SYNJ2BP: variants seen among roughly 807,000 people sequenced by gnomAD.
The protein encoded by SYNJ2BP is synaptojanin 2 binding protein.
SYNJ2BP carries 10 observed loss-of-function variants against 16.9 expected under a neutral mutation model. The ratio of observed to expected loss-of-function variants is 0.59; its 90% CI spans 0.36 to 1.00. The LOEUF (loss-of-function observed/expected upper bound fraction) is 1.00. SYNJ2BP is among the 50% of genes least tolerant of loss of function. SYNJ2BP has a pLI of 0.01. For synonymous variants in SYNJ2BP, 54 were observed against 68.4 expected (o/e 0.79, Z 1.04); for missense variants, 162 against 186.7 (o/e 0.87, Z 0.77).
intron 1 of SYNJ2BP, among the ~76,000 whole-genome samples, chr14:70,403,899 A>T (rs1236788024): frequency 6.6e-6 from 1 of 152,234 alleles, no homozygotes; most frequent in Admixed American, 6.5e-5. Flanking sequence ...TAAGCACTTA[A>T]ATCAAGTATT....
rs564486466 is a variant in SYNJ2BP, at chr14:70,375,080, G to C, written c.297+596C>G. On this transcript the variant is annotated intron_variant, in intron 3 of 3. Transcript: ENST00000256366. ...GTACAGATGTGAGTCACCACACCTG[G>C]CTTTTCTTTAATCATCTGTTTTAAT... 3.3e-5 allele frequency among the ~76,000 whole-genome samples: 5 copies of C among 151,190 alleles called. No homozygotes were observed. In the South Asian group the frequency reaches 8.4e-4, roughly 25 times the overall value.
At chr14:70,394,653 A>G (rs1888052707) in intron 1 of SYNJ2BP, among the ~76,000 whole-genome samples, 1 of 152,128 alleles carries the variant, frequency 6.6e-6, no homozygotes, top group South Asian at 2.1e-4. Flanking sequence ...TGTGCCTAAT[A>G]GAAGAACCTT....
At chr14:70,376,748 G>T (rs1331021066) in intron 2 of SYNJ2BP, among the ~76,000 whole-genome samples, 1 of 152,194 alleles carries the variant, frequency 6.6e-6, no homozygotes, top group Non-Finnish European at 1.5e-5. Flanking sequence ...TTGTGCTGGA[G>T]CTAGGGCTAG....
chr14:70,372,148 T>C lies in SYNJ2BP; in HGVS notation c.*843A>G, dbSNP rs779439189. 1.3e-5 allele frequency: 2 copies of C among 151,238 alleles called. No homozygotes were observed. The highest frequency in any genetic ancestry group is 2.4e-5 in the African/African-American group (1 of 41,156). The allele number at this position is 151,238 out of a possible 1,614,324, so 9.4% of individuals were successfully genotyped here. On this transcript the variant is annotated 3_prime_UTR_variant, in exon 4 of 4. Coordinates refer to ENST00000256366, the MANE Select transcript of SYNJ2BP (RefSeq NM_018373.3). ...CTTCAGTTATTACATTTTTTTCTAT[T>C]TTTTTTTTAAATAGAGATGAGGTTT...
chr14:70,407,012 T>G (rs750292900), intron 1 of SYNJ2BP, among the ~76,000 whole-genome samples: 2 of 152,216 alleles, frequency 1.3e-5, no homozygotes, highest in African/African-American at 2.4e-5. Context: ...ATGTGAATCA[T>G]GCCTCAAAAA....
intron 1 of SYNJ2BP, among the ~76,000 whole-genome samples, chr14:70,410,167 C>G (rs113748043): frequency 0.066 from 9,984 of 152,160 alleles, 562 homozygotes; most frequent in African/African-American, 0.15. Context: ...GTAATCCCAG[C>G]ACTTTAGGAG....
chr14:70,415,558 A>AT (rs1455731387), intron 1 of SYNJ2BP, among the ~76,000 whole-genome samples: 9 of 151,906 alleles, frequency 5.9e-5, no homozygotes, highest in African/African-American at 2.2e-4. Context: ...CTCAAAAAAA[A>AT]AAAAAAGAAA....
At chr14:70,392,517 C>A (rs1399988978) in intron 1 of SYNJ2BP, among the ~76,000 whole-genome samples, 7 of 152,142 alleles carry the variant, frequency 4.6e-5, no homozygotes, top group Non-Finnish European at 8.8e-5. Context: ...TCATAAACTA[C>A]ATAGTAGTTG....
At chr14:70,415,561 A>G (rs1888586850) in intron 1 of SYNJ2BP, among the ~76,000 whole-genome samples, 1 of 151,890 alleles carries the variant, frequency 6.6e-6, no homozygotes, top group Admixed American at 6.6e-5. Flanking sequence ...AAAAAAAAAA[A>G]AAAGAAAAGA....
intron 1 of SYNJ2BP, among the ~76,000 whole-genome samples, chr14:70,415,789 C>T (rs546978278): frequency 1.3e-5 from 2 of 152,266 alleles, no homozygotes; most frequent in South Asian, 4.1e-4. Context: ...ATTAGAGACT[C>T]TTGGAATACA....
intron 2 of SYNJ2BP, among the ~76,000 whole-genome samples, chr14:70,387,157 A>G (rs1346165527): frequency 6.6e-6 from 1 of 152,208 alleles, no homozygotes; most frequent in Non-Finnish European, 1.5e-5. Flanking sequence ...TCACCCCCTC[A>G]GCATTTTTCC....
At chr14:70,373,365 G>A (rs2140804879) in intron 3 of SYNJ2BP, among the ~76,000 whole-genome samples, 1 of 152,190 alleles carries the variant, frequency 6.6e-6, no homozygotes, top group East Asian at 1.9e-4. Context: ...TGACCTAAAG[G>A]GACCCGTGAG....
At chr14:70,396,310 G>A (rs1303847246) in intron 1 of SYNJ2BP, among the ~76,000 whole-genome samples, 5 of 152,006 alleles carry the variant, frequency 3.3e-5, no homozygotes, top group African/African-American at 9.7e-5. Flanking sequence ...GTAGAGACAG[G>A]GTTTCACCAT....
intron 1 of SYNJ2BP, among the ~76,000 whole-genome samples, chr14:70,407,300 C>T (rs923893311): frequency 4.6e-5 from 7 of 151,886 alleles, no homozygotes; most frequent in East Asian, 1.9e-4. Flanking sequence ...TAGTGGCAGG[C>T]GCCTGTAGTC....
intron 1 of SYNJ2BP, among the ~76,000 whole-genome samples, chr14:70,393,905 C>T (rs1310868100): frequency 2.7e-5 from 4 of 146,132 alleles, no homozygotes; most frequent in Admixed American, 7.0e-5. Flanking sequence ...ACCACCATGG[C>T]ACATGTATAC....
At chr14:70,405,801 T>C (rs1019091702) in intron 1 of SYNJ2BP, among the ~76,000 whole-genome samples, 1 of 152,316 alleles carries the variant, frequency 6.6e-6, no homozygotes, top group Non-Finnish European at 1.5e-5. Context: ...AAAGACTTGT[T>C]CACCTTTTGA....
intron 1 of SYNJ2BP, among the ~76,000 whole-genome samples, chr14:70,413,989 T>C (rs979134749): frequency 6.6e-6 from 1 of 152,200 alleles, no homozygotes; most frequent in African/African-American, 2.4e-5. Flanking sequence ...CTTCCATAGA[T>C]AGAAAGATCC....
At chr14:70,403,893 C>T (rs1204804557) in intron 1 of SYNJ2BP, among the ~76,000 whole-genome samples, 1 of 152,166 alleles carries the variant, frequency 6.6e-6, no homozygotes, top group Non-Finnish European at 1.5e-5. Context: ...TAAAGGTAAG[C>T]ACTTAAATCA....
intron 1 of SYNJ2BP, among the ~76,000 whole-genome samples, chr14:70,397,868 G>A (rs193138577): frequency 3.6e-5 from 4 of 112,396 alleles, no homozygotes; most frequent in African/African-American, 1.1e-4. Flanking sequence ...ACACAGACAA[G>A]TGGAGTGTCA....
Sources: allele counts gnomAD v4.1 joint callset (sites outside exome capture counted in the v4.1 genomes callset), GRCh38; gene constraint gnomAD v4.1.1; transcripts MANE v1.5; gene names NCBI Gene and HGNC (gene_info 2026-07-23, HGNC 2026-07-21).